The following RBFOX1 variants were observed in gnomAD, a reference collection of about 807,000 sequenced individuals.
The protein encoded by RBFOX1 is RNA binding protein fox-1 homolog 1.
A neutral mutation model predicts 57.7 loss-of-function variants in RBFOX1; 8 were observed. The observed-to-expected ratio is 0.14, with a 90% CI of 0.08 to 0.25. RBFOX1 has a LOEUF of 0.25. Ranked by LOEUF, RBFOX1 falls within the 10% of genes least tolerant of loss-of-function variation. The probability of loss-of-function intolerance (pLI) is 1.00; values close to 1 mark genes in which losing one functional copy is unlikely to be tolerated. For synonymous variants in RBFOX1, 326 were observed against 222.4 expected (o/e 1.47, Z -4.15); for missense variants, 611 against 548.5 (o/e 1.11, Z -1.14).
At chr16:7,088,822 G>A (rs569813769) in intron 4 of RBFOX1, among the ~76,000 whole-genome samples, 6 of 152,226 alleles carry the variant, frequency 3.9e-5, no homozygotes, top group African/African-American at 1.4e-4. Flanking sequence ...GGAGGGAGGC[G>A]TTTTCGAGGT....
At chr16:6,220,245 CCATA>C (rs1296393390) in intron 1 of RBFOX1, among the ~76,000 whole-genome samples, 1 of 151,984 alleles carries the variant, frequency 6.6e-6, no homozygotes, top group African/African-American at 2.4e-5. Flanking sequence ...GTCTATTTCT[CCATA>C]CAAACAGACA....
chr16:7,704,793 G>A (rs2081917595), intron 14 of RBFOX1, among the ~76,000 whole-genome samples: 1 of 152,166 alleles, frequency 6.6e-6, no homozygotes, highest in South Asian at 2.1e-4. Context: ...GCTCATGTTT[G>A]TAATCCTAGC....
intron 2 of RBFOX1, among the ~76,000 whole-genome samples, chr16:5,519,689 C>T (rs1474706309): frequency 6.6e-6 from 1 of 152,328 alleles, no homozygotes; most frequent in Non-Finnish European, 1.5e-5. Flanking sequence ...TATCTCCCTG[C>T]ACTCCAGCCT....
At chr16:7,203,031 C>T (rs534622466) in intron 4 of RBFOX1, among the ~76,000 whole-genome samples, 1 of 152,270 alleles carries the variant, frequency 6.6e-6, no homozygotes, top group Admixed American at 6.5e-5. Flanking sequence ...CGTGATCCGC[C>T]TGCCTCGGCC....
At chr16:7,185,179 A>G (rs1220704358) in intron 4 of RBFOX1, among the ~76,000 whole-genome samples, 1 of 148,498 alleles carries the variant, frequency 6.7e-6, no homozygotes, top group African/African-American at 2.5e-5. Flanking sequence ...AGTGCTTGAT[A>G]AATTTCACAT....
chr16:7,357,663 A>T (rs1350983407), intron 4 of RBFOX1, among the ~76,000 whole-genome samples: 1 of 151,802 alleles, frequency 6.6e-6, no homozygotes. Context: ...CTTGCGCAGG[A>T]CTTTTATTCA....
intron 1 of RBFOX1, among the ~76,000 whole-genome samples, chr16:6,118,025 G>T (rs1160731208): frequency 6.6e-6 from 1 of 152,150 alleles, no homozygotes; most frequent in East Asian, 1.9e-4. Context: ...AATTTTTTGA[G>T]ATAATTTTGC....
chr16:6,191,743 G>A (rs918719822), intron 1 of RBFOX1, among the ~76,000 whole-genome samples: 3 of 152,126 alleles, frequency 2.0e-5, no homozygotes, highest in African/African-American at 7.2e-5. Context: ...GAAACTCATG[G>A]CAGAGAGAAT....
chr16:5,993,745 G>T (rs747749918), intron 4 of RBFOX1, among the ~76,000 whole-genome samples: 1 of 152,080 alleles, frequency 6.6e-6, no homozygotes, highest in African/African-American at 2.4e-5. Flanking sequence ...ATGATGTATC[G>T]CTGCATTTTC....
At chr16:6,592,508 A>G (rs2097725510) in intron 2 of RBFOX1, among the ~76,000 whole-genome samples, 1 of 152,206 alleles carries the variant, frequency 6.6e-6, no homozygotes, top group Admixed American at 6.5e-5. Flanking sequence ...GTGCATTTGT[A>G]CATTTAGGTT....
At chr16:5,276,078 A>G (rs1368904665) in intron 1 of RBFOX1, among the ~76,000 whole-genome samples, 1 of 152,244 alleles carries the variant, frequency 6.6e-6, no homozygotes, top group Admixed American at 6.5e-5. Context: ...AAACCATAAA[A>G]ATTCTTGAAG....
chr16:7,481,317 A>C (rs2151226147), intron 4 of RBFOX1, among the ~76,000 whole-genome samples: 1 of 152,354 alleles, frequency 6.6e-6, no homozygotes, highest in East Asian at 1.9e-4. Flanking sequence ...TATAATGTGT[A>C]AACTTGTGGA....
chr16:6,876,653 C>T (rs990005332), intron 3 of RBFOX1, among the ~76,000 whole-genome samples: 2 of 152,094 alleles, frequency 1.3e-5, no homozygotes, highest in African/African-American at 2.4e-5. Flanking sequence ...GAGTACATTT[C>T]TCACCTAGGG....
At chr16:7,237,896 C>T (rs2093851878) in intron 4 of RBFOX1, among the ~76,000 whole-genome samples, 1 of 152,172 alleles carries the variant, frequency 6.6e-6, no homozygotes, top group African/African-American at 2.4e-5. Context: ...GCCAGCTACT[C>T]AGGAGGCTGA....
intron 5 of RBFOX1, among the ~76,000 whole-genome samples, chr16:7,575,901 C>G (rs1375141799): frequency 1.3e-5 from 2 of 152,018 alleles, no homozygotes; most frequent in South Asian, 2.1e-4. Flanking sequence ...TTCATCCTTC[C>G]CACTATCCTG....
At chr16:7,309,599 G>C (rs912192726) in intron 4 of RBFOX1, among the ~76,000 whole-genome samples, 4 of 152,178 alleles carry the variant, frequency 2.6e-5, no homozygotes, top group Admixed American at 1.3e-4. Context: ...TTCTCCAGTA[G>C]CTGATGGACT....
chr16:6,222,743 C>T (rs2097384546), intron 1 of RBFOX1, among the ~76,000 whole-genome samples: 1 of 150,144 alleles, frequency 6.7e-6, no homozygotes. Context: ...GGTACATGTG[C>T]ACAATGTGCA....
intron 2 of RBFOX1, among the ~76,000 whole-genome samples, chr16:5,528,973 C>G (rs2044354334): frequency 6.6e-6 from 1 of 151,970 alleles, no homozygotes; most frequent in Non-Finnish European, 1.5e-5. Flanking sequence ...TTTTCTATTA[C>G]TCATAAACCT....
intron 4 of RBFOX1, among the ~76,000 whole-genome samples, chr16:7,356,900 C>A (rs1028912581): frequency 5.3e-5 from 8 of 152,122 alleles, no homozygotes; most frequent in African/African-American, 1.9e-4. Context: ...ATGGCAAGAA[C>A]CTCCAGCAAG....
Sources: gnomAD v4.1 joint callset for allele counts (sites outside exome capture counted in the v4.1 genomes callset) on GRCh38, gnomAD v4.1.1 for gene constraint, MANE v1.5 for transcripts, NCBI Gene and HGNC (gene_info 2026-07-23, HGNC 2026-07-21) for gene names.